The following RP1 variants were observed in gnomAD, a reference collection of about 807,000 sequenced individuals.
RP1 encodes the protein RP1 axonemal microtubule associated.
A neutral mutation model predicts 14.8 loss-of-function variants in RP1; 16 were observed. The observed-to-expected ratio is 1.08, with a 90% CI of 0.73 to 1.65. RP1 has a LOEUF of 1.65. Among genes scored for constraint, RP1 ranks in the 40% most tolerant of loss-of-function variants. The pLI is 0.00. For missense variants in RP1, 2,631 were observed against 2,535.0 expected, an observed-to-expected ratio of 1.04 and a Z score of -0.81; for synonymous variants, 876 against 883.6, an observed-to-expected ratio of 0.99 and a Z score of 0.15.
In RP1 at chr8:54,629,270, G is replaced by A. The variant is rs183370413; in HGVS notation, c.5388G>A (p.Thr1796=). 6 of 1,613,748 alleles carry A rather than the reference G, an allele frequency of 3.7e-6. No individual in the cohort carries two copies. The Admixed American group carries it at 5.0e-5, about 13-fold the overall frequency. Reference sequence around the variant, plus strand: ...TTGGTAATTTGGCCCCAGGCCCAACGATGGATGAACTCTCCTCTTCAGAAC... The same window carrying A: ...TTGGTAATTTGGCCCCAGGCCCAACAATGGATGAACTCTCCTCTTCAGAAC... The part of the protein sequence containing the change: ...SHFGNLAPGP[T]MDELSSSELE... Residue 1796 remains threonine (T), a synonymous_variant, in exon 4 of 4, where the codon ACG becomes ACA. Transcript: ENST00000220676.
chr8:54,846,301 A>G (rs1811918911), intron 25 of RP1, among the ~76,000 whole-genome samples: 1 of 152,228 alleles, frequency 6.6e-6, no homozygotes, highest in Admixed American at 6.5e-5. Context: ...TTACTGCTAT[A>G]TCTGCATTGT....
Position 54,627,477 on chromosome 8 carries a change from A to G in RP1, c.3595A>G (p.Lys1199Glu), listed in dbSNP as rs1205915545. 1 of 1,614,174 alleles carries G rather than the reference A, an allele frequency of 6.2e-7. No homozygotes were observed. The highest frequency in any genetic ancestry group is 1.1e-5 in the South Asian group (1 of 91,086). Residue 1199 changes from lysine to glutamate, a missense_variant, in exon 4 of 4, where the codon AAA becomes GAA. Physicochemically the swap from Lys to Glu is moderately conservative, Grantham distance 56 (BLOSUM62 1). Coordinates refer to ENST00000220676, the MANE Select transcript of RP1 (RefSeq NM_006269.2). ...TACAAGCCACTTTGGACTCAGTGAG[A>G]AAGAACAAGACATGGTTCCAATAGA... ...STTSHFGLSEKEQDMVPIDLS... is the reference protein window; with the variant it reads ...STTSHFGLSEEEQDMVPIDLS...
chr8:54,738,812 T>A (rs1808998892), intron 18 of RP1: 2 of 532,470 alleles, frequency 3.8e-6, no homozygotes, highest in African/African-American at 3.8e-5. Flanking sequence ...ATTTCTAGAC[T>A]CTGAAAGAGT....
At chr8:54,645,523 C>T (rs933988557) in intron 3 of RP1, among the ~76,000 whole-genome samples, 3 of 152,116 alleles carry the variant, frequency 2.0e-5, no homozygotes, top group African/African-American at 7.2e-5. Context: ...TGGTGAATTA[C>T]ATTGATTGGC....
At chr8:54,697,703 A>G (rs1585616076) in intron 12 of RP1, among the ~76,000 whole-genome samples, 1 of 152,228 alleles carries the variant, frequency 6.6e-6, no homozygotes, top group Non-Finnish European at 1.5e-5. Context: ...ATGTAGACCA[A>G]TGAAACAGAA....
intron 1 of RP1, among the ~76,000 whole-genome samples, chr8:54,589,401 G>T (rs1804996453): frequency 6.6e-6 from 1 of 151,842 alleles, no homozygotes; most frequent in South Asian, 2.1e-4. Flanking sequence ...TCAGACTCTT[G>T]GAATATAATG....
intron 1 of RP1, among the ~76,000 whole-genome samples, chr8:54,580,303 T>C (rs1052218812): frequency 7.7e-6 from 1 of 129,682 alleles, no homozygotes; most frequent in South Asian, 2.8e-4. Flanking sequence ...TAGACTTCTT[T>C]TTTTTTTTTT....
At chr8:54,797,907 A>G (rs1312145958) in intron 24 of RP1, among the ~76,000 whole-genome samples, 1 of 96,900 alleles carries the variant, frequency 1.0e-5, no homozygotes, top group Non-Finnish European at 2.0e-5. Context: ...CCATAAGCCT[A>G]TGGTTTTTAT....
At chr8:54,624,645 C>A (rs374236851) in intron 3 of RP1, 25 bp from the exon 4 acceptor site, 1 of 1,612,352 alleles carries the variant, frequency 6.2e-7, no homozygotes, top group Non-Finnish European at 8.5e-7. Context: ...GATGTGGGCA[C>A]CTTTTACTCT....
At chr8:54,768,919 C>T (rs1848748) in intron 22 of RP1, among the ~76,000 whole-genome samples, 45,284 of 144,968 alleles carry the variant, frequency 0.31, 8,235 homozygotes, top group Middle Eastern at 0.49. Context: ...TTTTTTGAGA[C>T]GGAGTCTCAC....
chr8:54,625,983 A>G lies in RP1; in HGVS notation c.2101A>G (p.Arg701Gly). The change falls in exon 4 of 4, where the codon AGA becomes GGA. Residue 701 changes from arginine (R) to glycine (G), a missense_variant. Coordinates refer to ENST00000220676, the MANE Select transcript of RP1 (RefSeq NM_006269.2). The part of the protein sequence containing the change: ...ATKGILNKNE[R>G]INTKGRITKE... The stretch of plus-strand genomic sequence containing the variant: ...CAAAGGAATTCTTAATAAGAATGAG[A>G]GAATAAACACAAAAGGTAGAATTAC... 6.2e-7 allele frequency: 1 copy of G among 1,614,024 alleles called. No homozygotes were observed. The highest frequency in any genetic ancestry group is 8.5e-7 in the Non-Finnish European group (1 of 1,179,964).
At chr8:54,865,615 T>G (rs1208828769) in intron 27 of RP1, among the ~76,000 whole-genome samples, 1 of 152,132 alleles carries the variant, frequency 6.6e-6, no homozygotes, top group Admixed American at 6.6e-5. Context: ...ATAGAGAGTT[T>G]GGGTCCCTAT....
chr8:54,812,759 T>TGTC lies in RP1; in HGVS notation c.3616-24691_3616-24690insGTC, dbSNP rs1232432975. ...GTATCTATGTATCCATGTATCTATC[T>TGTC]ATCATCTATCTATCTATCTATCTAT... On this transcript the variant is annotated intron_variant, in intron 24 of 28. Coordinates refer to the RP1 transcript ENST00000637698. 1.5e-3 allele frequency among the ~76,000 whole-genome samples: 216 copies of TGTC among 142,108 alleles called. 2 individuals are homozygous for TGTC. The highest frequency in any genetic ancestry group is 2.6e-3 in the South Asian group (11 of 4,278). 93.2% of individuals were successfully genotyped at this position (142,108 alleles called of 152,430 possible). A position where few individuals can be genotyped will look rare whatever the true frequency, so the allele number is the denominator to read the frequency against.
intron 14 of RP1, among the ~76,000 whole-genome samples, chr8:54,702,619 G>T (rs984238552): frequency 1.3e-5 from 2 of 152,124 alleles, no homozygotes; most frequent in South Asian, 4.1e-4. Flanking sequence ...TGCAGATTGG[G>T]GTGGCTGTGT....
At chr8:54,856,370 G>A (rs1400850891) in intron 26 of RP1, among the ~76,000 whole-genome samples, 2 of 152,122 alleles carry the variant, frequency 1.3e-5, no homozygotes, top group African/African-American at 4.8e-5. Context: ...TTTGTTGAGT[G>A]TGCATTTGTA....
chr8:54,658,891 T>G (rs1174560057), intron 6 of RP1, among the ~76,000 whole-genome samples: 1 of 152,000 alleles, frequency 6.6e-6, no homozygotes, highest in Non-Finnish European at 1.5e-5. Context: ...CTTGTTTTTT[T>G]TTTTTCTATT....
At chr8:54,670,739 A>G (rs1163407872) in intron 7 of RP1, among the ~76,000 whole-genome samples, 1 of 140,560 alleles carries the variant, frequency 7.1e-6, no homozygotes, top group Non-Finnish European at 1.5e-5. Flanking sequence ...TAACCATATT[A>G]TCATTATATA....
intron 12 of RP1, chr8:54,696,252 C>A (rs1585614635): frequency 6.9e-6 from 2 of 289,030 alleles, no homozygotes; most frequent in African/African-American, 2.2e-5. Context: ...ATAAATTACC[C>A]AATAACTACC....
chr8:54,712,751 T>A (rs1470336686), intron 15 of RP1, among the ~76,000 whole-genome samples: 2 of 152,226 alleles, frequency 1.3e-5, no homozygotes, highest in Non-Finnish European at 2.9e-5. Flanking sequence ...ATCTCAAATT[T>A]TGGTAGTGAG....
Sources: allele counts gnomAD v4.1 joint callset (sites outside exome capture counted in the v4.1 genomes callset), GRCh38; gene constraint gnomAD v4.1.1; transcripts MANE v1.5; gene names NCBI Gene and HGNC (gene_info 2026-07-23, HGNC 2026-07-21).